The following LRRC28 variants were observed in gnomAD, a reference collection of about 807,000 sequenced individuals.
LRRC28 encodes the protein leucine-rich repeat-containing protein 28.
Under a neutral mutation model 45.7 loss-of-function variants are expected in LRRC28, and 39 were observed. The ratio of observed to expected loss-of-function variants is 0.85; its 90% CI spans 0.66 to 1.12. LRRC28 has a LOEUF of 1.12. Among genes scored for constraint, LRRC28 ranks in the 50% most tolerant of loss-of-function variants. LRRC28 has a pLI of 0.00. For synonymous variants in LRRC28, 206 were observed against 178.8 expected (o/e 1.15, Z -1.22); for missense variants, 435 against 438.5 (o/e 0.99, Z 0.07).
intron 2 of LRRC28, among the ~76,000 whole-genome samples, chr15:99,260,794 A>G (rs2081174891): frequency 6.6e-6 from 1 of 152,228 alleles, no homozygotes. Flanking sequence ...AAACTGGGGA[A>G]AACGTTGAAA....
At chr15:99,288,371 C>CTTTTTTTT (rs67593137) in intron 5 of LRRC28, among the ~76,000 whole-genome samples, 2 of 82,916 alleles carry the variant, frequency 2.4e-5, no homozygotes, top group Non-Finnish European at 4.5e-5. Flanking sequence ...TGTACATTAA[C>CTTTTTTTT]TTTTTTTTTT....
intron 2 of LRRC28, among the ~76,000 whole-genome samples, chr15:99,265,452 G>A (rs1377376271): frequency 6.6e-6 from 1 of 152,188 alleles, no homozygotes; most frequent in Non-Finnish European, 1.5e-5. Flanking sequence ...TGGGGTATGG[G>A]ACATTTTGGT....
In LRRC28 at chr15:99,365,941, T is replaced by C. The variant is rs995450245; in HGVS notation, c.1031+2676T>C. Among the ~76,000 whole-genome samples, 8 of 152,258 alleles carry C rather than the reference T, an allele frequency of 5.3e-5. No individual in the cohort carries two copies. In the East Asian group the frequency reaches 1.2e-3, roughly 22 times the overall value. On this transcript the variant is annotated intron_variant, in intron 9 of 9. Transcript: ENST00000301981. Reference sequence around the variant, plus strand: ...AGCAAATTTTCACTTTCAAAACTTATTGTTCATTTATTAAAATGGAGAACT... The same window carrying C: ...AGCAAATTTTCACTTTCAAAACTTACTGTTCATTTATTAAAATGGAGAACT...
chr15:99,334,139 T>G lies in LRRC28; in HGVS notation c.592+10T>G, dbSNP rs748089999. The G allele has an allele frequency of 2.5e-6, 4 of 1,614,042 alleles. No individual in the cohort carries two copies. Among genetic ancestry groups the G allele is most frequent in the Middle Eastern group, 1.7e-4 (1 of 6,060 alleles). ...GCATTTTTGCCACTTGGTAAGTGAT[T>G]GTGTTTAAAGTAAAGCAGCCAAAGA... On this transcript the variant is annotated intron_variant, in intron 6 of 9. Coordinates refer to ENST00000301981, the MANE Select transcript of LRRC28 (RefSeq NM_144598.5).
At chr15:99,255,868 A>C in intron 1 of LRRC28, 30 bp from the exon 2 acceptor site, 3 of 1,411,200 alleles carry the variant, frequency 2.1e-6, no homozygotes, top group Non-Finnish European at 2.8e-6. Context: ...AAAATCTTAC[A>C]ATGAATAAAT....
At chr15:99,344,563 T>C (rs1192505293) in intron 6 of LRRC28, among the ~76,000 whole-genome samples, 1 of 152,220 alleles carries the variant, frequency 6.6e-6, no homozygotes, top group Non-Finnish European at 1.5e-5. Context: ...TATAAAAAAC[T>C]ACCTTCCTCA....
rs550197617 is a variant in LRRC28, at chr15:99,300,593, G to A, written c.385+12642G>A. ...TGTAATCCCAGCACTTTGGGAGGCC[G>A]ATGTGGGTGGATCACTTGAGGTCAG... On this transcript the variant is annotated intron_variant, in intron 5 of 9. Transcript: ENST00000301981. Among the ~76,000 whole-genome samples, 38 of 152,274 alleles carry A rather than the reference G, an allele frequency of 2.5e-4. 1 individual carries two copies. The South Asian group carries it at 6.4e-3, about 26-fold the overall frequency.
chr15:99,258,905 A>G lies in LRRC28; in HGVS notation c.168+2780A>G, dbSNP rs115501203. The G allele has an allele frequency of 6.0e-3, 4,290 of 719,536 alleles. 119 individuals carry two copies. The African/African-American group carries it at 0.064, about 11-fold the overall frequency. The allele number at this position is 719,536 out of a possible 1,614,324, so 44.6% of individuals were successfully genotyped here. A position where few individuals can be genotyped will look rare whatever the true frequency, so the allele number is the denominator to read the frequency against. The stretch of plus-strand genomic sequence containing the variant: ...CCGTGATACGATGCCTAAGAACCTG[A>G]ATTTTGTCAAGGGTGTGGTGGACTC... On this transcript the variant is annotated intron_variant, in intron 2 of 9. Transcript: ENST00000301981.
Position 99,296,836 on chromosome 15 carries a change from C to G in LRRC28, c.385+8885C>G, listed in dbSNP as rs1421710027. On this transcript the variant is annotated intron_variant, in intron 5 of 9. Transcript: ENST00000301981. Reference sequence around the variant, plus strand: ...TCTAATATTTAAACTGCATGTAGTACTTGCAAAGAAGGGATTAGACAGGAG... The same window carrying G: ...TCTAATATTTAAACTGCATGTAGTAGTTGCAAAGAAGGGATTAGACAGGAG... Among the ~76,000 whole-genome samples, 6 of 152,242 alleles carry G rather than the reference C, an allele frequency of 3.9e-5. No individual in the cohort carries two copies. In the East Asian group the frequency reaches 1.2e-3, roughly 29 times the overall value.
At chr15:99,306,312 G>A (rs1173349769) in intron 5 of LRRC28, among the ~76,000 whole-genome samples, 1 of 152,174 alleles carries the variant, frequency 6.6e-6, no homozygotes, top group African/African-American at 2.4e-5. Flanking sequence ...CAAATGGACC[G>A]ATGGGGATTT....
At chr15:99,361,007 G>A (rs550508486) in intron 7 of LRRC28, 5 of 173,634 alleles carry the variant, frequency 2.9e-5, no homozygotes, top group South Asian at 2.0e-4. Flanking sequence ...AGAAAAACAC[G>A]TACTTGGAGA....
chr15:99,361,820 G>A (rs1957212035), intron 8 of LRRC28, among the ~76,000 whole-genome samples: 1 of 152,162 alleles, frequency 6.6e-6, no homozygotes, highest in Admixed American at 6.5e-5. Flanking sequence ...TGCAAAGCAC[G>A]GTGCTTAAAA....
At chr15:99,282,273 C>G (rs1198632778) in intron 3 of LRRC28, among the ~76,000 whole-genome samples, 1 of 144,980 alleles carries the variant, frequency 6.9e-6, no homozygotes, top group East Asian at 2.1e-4. Context: ...ATATGTGTCT[C>G]CATAACTCAG....
At chr15:99,319,934 C>G (rs1466082140) in intron 5 of LRRC28, among the ~76,000 whole-genome samples, 1 of 152,038 alleles carries the variant, frequency 6.6e-6, no homozygotes, top group Non-Finnish European at 1.5e-5. Flanking sequence ...TCCCAAGTAG[C>G]TGGGACTACA....
In LRRC28 at chr15:99,376,718, T is replaced by C. The variant is rs569592479; in HGVS notation, c.1032-9312T>C. On this transcript the variant is annotated intron_variant, in intron 9 of 9. Coordinates refer to ENST00000301981, the MANE Select transcript of LRRC28 (RefSeq NM_144598.5). ...CTTCCCCCCACCCCACAACAGGCCC[T>C]GGTGTGTGATGTTCCCCTTCCTGTG... Among the ~76,000 whole-genome samples, 18 of 152,084 alleles carry C rather than the reference T, an allele frequency of 1.2e-4. No individual in the cohort carries two copies. The East Asian group carries it at 3.5e-3, about 29-fold the overall frequency.
rs372924244 is a variant in LRRC28, at chr15:99,382,006, C to T, written c.1032-4024C>T. 1.2e-4 allele frequency among the ~76,000 whole-genome samples: 18 copies of T among 152,314 alleles called. No homozygotes were observed. In the East Asian group the frequency reaches 2.5e-3, roughly 21 times the overall value. ...GACCCACTTGAGGGGGCAGTCTGTC[C>T]GTTCTCAGATCTCAAACTCCGTGCT... On this transcript the variant is annotated intron_variant, in intron 9 of 9. Coordinates refer to ENST00000301981, the MANE Select transcript of LRRC28 (RefSeq NM_144598.5).
intron 6 of LRRC28, among the ~76,000 whole-genome samples, chr15:99,351,853 T>C (rs1956889713): frequency 6.6e-6 from 1 of 152,108 alleles, no homozygotes. Flanking sequence ...GCTCTGAATA[T>C]AACGTGGGCA....
chr15:99,305,545 A>G (rs1457426387), intron 5 of LRRC28, among the ~76,000 whole-genome samples: 10 of 152,180 alleles, frequency 6.6e-5, no homozygotes. Flanking sequence ...TATTTCTGAT[A>G]TCGCTAAAAC....
At chr15:99,292,181 C>G (rs2082137938) in intron 5 of LRRC28, among the ~76,000 whole-genome samples, 1 of 152,120 alleles carries the variant, frequency 6.6e-6, no homozygotes, top group Non-Finnish European at 1.5e-5. Context: ...TGAGAAGTTT[C>G]TCTTGGCTTT....
Sources: gnomAD v4.1 joint callset for allele counts (sites outside exome capture counted in the v4.1 genomes callset) on GRCh38, gnomAD v4.1.1 for gene constraint, MANE v1.5 for transcripts, NCBI Gene and HGNC (gene_info 2026-07-23, HGNC 2026-07-21) for gene names.